UGGT2: variants seen among roughly 807,000 people sequenced by gnomAD.
The protein encoded by UGGT2 is UDP-glucose glycoprotein glucosyltransferase 2, also known as UDP-glucose:glycoprotein glucosyltransferase 2.
A neutral mutation model predicts 192.1 loss-of-function variants in UGGT2; 180 were observed. The observed-to-expected ratio is 0.94, with a 90% CI of 0.83 to 1.06. The LOEUF (loss-of-function observed/expected upper bound fraction) is 1.06. UGGT2 is among the 50% of genes least tolerant of loss of function. The pLI is 0.00. For synonymous variants in UGGT2, 580 were observed against 591.0 expected (o/e 0.98, Z 0.27); for missense variants, 1,849 against 1,795.7 (o/e 1.03, Z -0.54).
chr13:95,860,624 T>C (rs140868231), intron 32 of UGGT2, among the ~76,000 whole-genome samples, 164 bp downstream of exon 32: 1,947 of 151,310 alleles, frequency 0.013, 41 homozygotes, highest in African/African-American at 0.045. Flanking sequence ...CTTAGCAGGA[T>C]ATAAAAATAA....
chr13:95,905,815 C>A (rs570798315), intron 20 of UGGT2, among the ~76,000 whole-genome samples: 1 of 152,144 alleles, frequency 6.6e-6, no homozygotes, highest in Non-Finnish European at 1.5e-5. Flanking sequence ...TTAAAGTATA[C>A]ATTATCTTTA....
At chr13:96,049,554 T>C (rs1277665509) in intron 1 of UGGT2, among the ~76,000 whole-genome samples, 1 of 152,214 alleles carries the variant, frequency 6.6e-6, no homozygotes, top group Non-Finnish European at 1.5e-5. Flanking sequence ...TGTTGGCAGA[T>C]GATATGATTG....
chr13:95,854,268 C>A, intron 35 of UGGT2, 47 bp downstream of exon 35: 1 of 1,546,666 alleles, frequency 6.5e-7, no homozygotes, highest in South Asian at 1.3e-5. Context: ...AGTTGCAATT[C>A]AATACATTAC....
intron 38 of UGGT2, among the ~76,000 whole-genome samples, chr13:95,805,442 A>ATG (rs937632550): frequency 9.2e-5 from 14 of 152,192 alleles, no homozygotes; most frequent in African/African-American, 3.4e-4. Context: ...ATCCAAAATA[A>ATG]TGGAAAGCGG....
chr13:96,032,016 A>T, intron 1 of UGGT2, 45 bp from the exon 2 acceptor site: 1 of 1,425,534 alleles, frequency 7.0e-7, no homozygotes, highest in South Asian at 1.2e-5. Flanking sequence ...GGAATTTAAA[A>T]TGGTTTAGAT....
At chr13:95,803,060 T>C (rs921358462) in intron 38 of UGGT2, among the ~76,000 whole-genome samples, 72 of 151,998 alleles carry the variant, frequency 4.7e-4, no homozygotes, top group African/African-American at 1.7e-3. Context: ...GGTCTCGATC[T>C]CCTGACCTCG....
chr13:96,035,992 G>A (rs764348765), intron 1 of UGGT2, among the ~76,000 whole-genome samples: 5 of 152,220 alleles, frequency 3.3e-5, no homozygotes, highest in Admixed American at 6.5e-5. Context: ...GTAGAAGACA[G>A]TGTGGCAATT....
At chr13:96,027,641 C>T (rs535489210) in intron 2 of UGGT2, among the ~76,000 whole-genome samples, 18 of 152,172 alleles carry the variant, frequency 1.2e-4, no homozygotes, top group African/African-American at 3.6e-4. Context: ...AAAGACTTAA[C>T]GACACGTAGC....
At chr13:95,890,513 G>A (rs1163650661) in intron 25 of UGGT2, among the ~76,000 whole-genome samples, 1 of 152,088 alleles carries the variant, frequency 6.6e-6, no homozygotes, top group Non-Finnish European at 1.5e-5. Flanking sequence ...TATTGGATCA[G>A]GGTCTCACCC....
At position 95,937,042 on chromosome 13, in the gene UGGT2, T is replaced by C; in HGVS notation, c.1859A>G (p.Gln620Arg). 1 of 1,604,208 alleles carries C rather than the reference T, an allele frequency of 6.2e-7. No individual in the cohort carries two copies. Among genetic ancestry groups the C allele is most frequent in the South Asian group, 1.1e-5 (1 of 88,512 alleles). ...AAAGGGTTCACCATTATAAAGAGCT[T>C]GAGGCAAAGGACCCAGGCCAGTCAT... ...YKMTGLGPLP[Q>R]ALYNGEPFKH... The change falls in exon 17 of 39, where the codon CAA (glutamine) becomes CGA (arginine). Residue 620 changes from glutamine (Q) to arginine (R), a missense_variant. Coordinates refer to ENST00000376747, the MANE Select transcript of UGGT2 (RefSeq NM_020121.4).
intron 33 of UGGT2, chr13:95,856,713 A>G (rs1889654565): frequency 2.6e-6 from 1 of 388,990 alleles, no homozygotes. Context: ...GTTCATGTAT[A>G]TGTCAACAGG....
intron 36 of UGGT2, among the ~76,000 whole-genome samples, chr13:95,848,837 T>C (rs1345353470): frequency 3.3e-5 from 5 of 152,228 alleles, no homozygotes; most frequent in Non-Finnish European, 7.3e-5. Context: ...ATTGGAATTG[T>C]GTGGAATCTA....
intron 20 of UGGT2, among the ~76,000 whole-genome samples, chr13:95,908,426 C>G (rs556991877): frequency 6.6e-6 from 1 of 152,292 alleles, no homozygotes; most frequent in East Asian, 1.9e-4. Flanking sequence ...TCAAGAAGAA[C>G]AACCCCAAGA....
chr13:95,847,417 C>G (rs1888581799), intron 36 of UGGT2, among the ~76,000 whole-genome samples: 1 of 152,150 alleles, frequency 6.6e-6, no homozygotes, highest in African/African-American at 2.4e-5. Flanking sequence ...CATATTTTCC[C>G]TGCCTAAAAA....
At chr13:95,825,739 T>A (rs962398327) in intron 38 of UGGT2, among the ~76,000 whole-genome samples, 2 of 152,148 alleles carry the variant, frequency 1.3e-5, no homozygotes. Context: ...AATGTTGGGG[T>A]ACAGCTCCAG....
chr13:96,034,718 A>G (rs954842738), intron 1 of UGGT2, among the ~76,000 whole-genome samples: 2 of 152,184 alleles, frequency 1.3e-5, no homozygotes, highest in African/African-American at 4.8e-5. Context: ...AGCCACCTGC[A>G]GTATGCCTGG....
In UGGT2 at chr13:95,951,656, G is replaced by A. The variant is rs746696612; in HGVS notation, c.1336-2202C>T. 2.3e-4 allele frequency among the ~76,000 whole-genome samples: 35 copies of A among 152,160 alleles called. 1 individual carries two copies. Among genetic ancestry groups the A allele is most frequent in the Non-Finnish European group, 3.8e-4 (26 of 68,036 alleles). On this transcript the variant is annotated intron_variant, in intron 12 of 38. Coordinates refer to ENST00000376747, the MANE Select transcript of UGGT2 (RefSeq NM_020121.4). The stretch of plus-strand genomic sequence containing the variant: ...TCTGAAGACTGTTAATAACCTATAA[G>A]TACAGAAATTAAGTGTTCAACAACT...
At chr13:95,924,642 GT>G (rs775256546) in intron 20 of UGGT2, among the ~76,000 whole-genome samples, 2 of 151,946 alleles carry the variant, frequency 1.3e-5, no homozygotes, top group Non-Finnish European at 2.9e-5. Context: ...AGAAAACACT[GT>G]GTGTAACTTT....
At chr13:95,934,909 G>A (rs2049410022) in intron 17 of UGGT2, among the ~76,000 whole-genome samples, 1 of 152,130 alleles carries the variant, frequency 6.6e-6, no homozygotes, top group African/African-American at 2.4e-5. Context: ...ATTTTTCATA[G>A]GTGTGGAAGT....
Sources: gnomAD v4.1 joint callset for allele counts (sites outside exome capture counted in the v4.1 genomes callset) on GRCh38, gnomAD v4.1.1 for gene constraint, MANE v1.5 for transcripts, NCBI Gene and HGNC (gene_info 2026-07-23, HGNC 2026-07-21) for gene names.